The following IFT74 variants were observed in gnomAD, a reference collection of about 807,000 sequenced individuals.
IFT74 encodes the protein intraflagellar transport protein 74 homolog.
IFT74 carries 92 observed loss-of-function variants against 96.7 expected under a neutral mutation model. The observed-to-expected ratio is 0.95, with a 90% CI of 0.80 to 1.13. The LOEUF is 1.13. IFT74 is among the 50% of genes most tolerant of loss of function. IFT74 has a pLI of 0.00. For missense variants in IFT74, 811 were observed against 698.2 expected (o/e 1.16, Z -1.82); for synonymous variants, 223 against 213.2 (o/e 1.05, Z -0.40).
chr9:27,004,661 A>T (rs1419576901), intron 8 of IFT74, among the ~76,000 whole-genome samples: 1 of 152,174 alleles, frequency 6.6e-6, no homozygotes, highest in Non-Finnish European at 1.5e-5. Flanking sequence ...GAAGTCAGTC[A>T]TTGTTGCTTT....
At chr9:27,047,922 T>C (rs1250637510) in intron 15 of IFT74, among the ~76,000 whole-genome samples, 1 of 152,008 alleles carries the variant, frequency 6.6e-6, no homozygotes, top group Non-Finnish European at 1.5e-5. Flanking sequence ...TGCAGTGAAA[T>C]AAAGGAAATG....
Position 26,984,322 on chromosome 9 carries a change from A to C in IFT74, c.371A>C (p.Gln124Pro). The change falls in exon 5 of 20, where the codon CAA (glutamine) becomes CCA (proline). Residue 124 changes from glutamine to proline, a missense_variant. Gln to Pro is a moderately conservative substitution (Grantham distance 76). Transcript: ENST00000380062. ...KLQKGIEMYN[Q>P]ENSVYLSYEK... is the part of the protein sequence containing the mutation. ...CAGAAGGGAATAGAAATGTACAATCAAGAGAATTCAGTATATTTGTCATAT... is the reference window on the plus strand; with the variant it reads ...CAGAAGGGAATAGAAATGTACAATCCAGAGAATTCAGTATATTTGTCATAT... The C allele has an allele frequency of 6.3e-7, 1 of 1,584,214 alleles. No homozygotes were observed. Among genetic ancestry groups the C allele is most frequent in the Non-Finnish European group, 8.6e-7 (1 of 1,163,958 alleles).
intron 8 of IFT74, chr9:26,996,307 T>G (rs1413579159): frequency 1.3e-6 from 2 of 1,553,950 alleles, no homozygotes; most frequent in Admixed American, 1.7e-5. Context: ...AACCAGTATA[T>G]TACCTGAATT....
chr9:27,034,681 A>C (rs1819087165), intron 13 of IFT74, among the ~76,000 whole-genome samples: 1 of 152,174 alleles, frequency 6.6e-6, no homozygotes, highest in Admixed American at 6.5e-5. Flanking sequence ...GGCATGCGCC[A>C]CCACACCTGG....
At chr9:27,033,346 T>G (rs1037730605) in intron 13 of IFT74, among the ~76,000 whole-genome samples, 1 of 151,852 alleles carries the variant, frequency 6.6e-6, no homozygotes, top group African/African-American at 2.4e-5. Flanking sequence ...TTGCTTGAGC[T>G]CAGAAGTTCG....
Position 26,963,715 on chromosome 9 carries a change from A to G in IFT74, c.120+1628A>G, listed in dbSNP as rs552608497. Among the ~76,000 whole-genome samples the G allele has an allele frequency of 3.7e-3, 566 of 152,220 alleles. 5 individuals are homozygous for G. The highest frequency in any genetic ancestry group is 0.013 in the African/African-American group (543 of 41,534). ...TGCATTTCTCTGATGGCCAGTGATG[A>G]TGAGCATTGTTTCATGTGTTTTTTG... is the stretch of plus-strand genomic sequence containing the variant. On this transcript the variant is annotated intron_variant, in intron 2 of 19. Transcript: ENST00000380062.
chr9:26,997,635 C>T, intron 8 of IFT74: 2 of 1,369,866 alleles, frequency 1.5e-6, no homozygotes, highest in Non-Finnish European at 2.0e-6. Flanking sequence ...CGCCTGGCTG[C>T]TTCCTTTTCT....
intron 16 of IFT74, among the ~76,000 whole-genome samples, chr9:27,051,186 T>C (rs1427410200): frequency 6.6e-6 from 1 of 152,154 alleles, no homozygotes; most frequent in Non-Finnish European, 1.5e-5. Flanking sequence ...GAAATAGAAC[T>C]GCCCAAGGGT....
intron 7 of IFT74, among the ~76,000 whole-genome samples, 164 bp from the exon 8 acceptor site, chr9:26,989,970 G>C (rs957785464): frequency 5.9e-5 from 9 of 152,040 alleles, no homozygotes; most frequent in African/African-American, 2.2e-4. Flanking sequence ...ATCTGATATT[G>C]TTTGTTAAAT....
chr9:26,965,621 A>G (rs2131491860), intron 2 of IFT74, among the ~76,000 whole-genome samples: 1 of 152,170 alleles, frequency 6.6e-6, no homozygotes, highest in East Asian at 1.9e-4. Flanking sequence ...CAGGCACGTT[A>G]TCTGTTTATT....
chr9:27,042,378 A>T (rs1399109495), intron 13 of IFT74, among the ~76,000 whole-genome samples: 4 of 152,190 alleles, frequency 2.6e-5, no homozygotes, highest in African/African-American at 9.6e-5. Flanking sequence ...AAGAAACGCC[A>T]GAGAAGCCCT....
At chr9:27,005,532 A>G (rs1255489618) in intron 8 of IFT74, 2 of 151,486 alleles carry the variant, frequency 1.3e-5, no homozygotes, top group Non-Finnish European at 2.9e-5. Flanking sequence ...GACTTAACAA[A>G]CTTAAATATG....
chr9:26,995,596 A>T, intron 8 of IFT74: 1 of 1,605,656 alleles, frequency 6.2e-7, no homozygotes. Flanking sequence ...CCACAAATGA[A>T]TGTAATTGTT....
intron 2 of IFT74, among the ~76,000 whole-genome samples, chr9:26,973,488 C>G (rs949921857): frequency 5.3e-5 from 8 of 152,136 alleles, no homozygotes; most frequent in Non-Finnish European, 8.8e-5. Flanking sequence ...TTTCTCGATT[C>G]CCTTCTCTTG....
At chr9:27,036,912 T>G in intron 13 of IFT74, 1 of 789,990 alleles carries the variant, frequency 1.3e-6, no homozygotes, top group Non-Finnish European at 1.5e-6. Flanking sequence ...TTGCTGTGAT[T>G]CATGATAAAA....
chr9:27,028,948 T>TATCTAACC (rs1489345515), intron 12 of IFT74, 77 bp from the exon 13 acceptor site: 67 of 1,314,092 alleles, frequency 5.1e-5, no homozygotes, highest in Admixed American at 7.1e-5. Flanking sequence ...TTGGAAAAGA[T>TATCTAACC]ATCTAACCTC....
In IFT74 at chr9:26,999,852, G is replaced by T. The variant is rs1188483998; in HGVS notation, c.588-9168G>T. 3 of 534,310 alleles carry T rather than the reference G, an allele frequency of 5.6e-6. No individual in the cohort carries two copies. The East Asian group carries it at 9.3e-5, about 17-fold the overall frequency. 33.1% of individuals were successfully genotyped at this position (534,310 alleles called of 1,614,324 possible). On this transcript the variant is annotated intron_variant, in intron 8 of 19. Coordinates refer to ENST00000380062, the MANE Select transcript of IFT74 (RefSeq NM_025103.4). ...GGTGGCATGGTCACAGCTCACTGCA[G>T]CCTTGATCTCCCAGGCTTAAGCAGT...
intron 8 of IFT74, among the ~76,000 whole-genome samples, chr9:26,992,432 C>T (rs1422052931): frequency 6.6e-6 from 1 of 152,098 alleles, no homozygotes; most frequent in East Asian, 1.9e-4. Context: ...GTGGCTCATG[C>T]CTGTAATCCC....
intron 9 of IFT74, among the ~76,000 whole-genome samples, chr9:27,010,878 G>T (rs181493345): frequency 1.3e-5 from 2 of 152,172 alleles, no homozygotes; most frequent in African/African-American, 4.8e-5. Flanking sequence ...CTCAGTCATG[G>T]TGGTTCCCTT....
Sources: gnomAD v4.1 joint callset for allele counts (sites outside exome capture counted in the v4.1 genomes callset) on GRCh38, gnomAD v4.1.1 for gene constraint, MANE v1.5 for transcripts, NCBI Gene and HGNC (gene_info 2026-07-23, HGNC 2026-07-21) for gene names.